The following TPH1 variants were observed in gnomAD, a reference collection of about 807,000 sequenced individuals.
The protein encoded by TPH1 is tryptophan hydroxylase 1.
TPH1 carries 37 observed loss-of-function variants against 49.5 expected under a neutral mutation model. The ratio of observed to expected loss-of-function variants is 0.75; its 90% CI spans 0.58 to 0.98. The LOEUF is 0.98. TPH1 is among the 50% of genes least tolerant of loss of function. The pLI is 0.00. For synonymous variants in TPH1, 160 were observed against 182.1 expected, an observed-to-expected ratio of 0.88 and a Z score of 0.98; for missense variants, 487 against 523.6, an observed-to-expected ratio of 0.93 and a Z score of 0.68.
chr11:18,033,037 G>C (rs975339692), intron 4 of TPH1, among the ~76,000 whole-genome samples: 1 of 152,154 alleles, frequency 6.6e-6, no homozygotes, highest in African/African-American at 2.4e-5. Context: ...TGGATCACCT[G>C]AGGTCAGGAG....
At chr11:18,028,270 G>T (rs189662710) in intron 6 of TPH1, among the ~76,000 whole-genome samples, 180 of 152,194 alleles carry the variant, frequency 1.2e-3, no homozygotes, top group Admixed American at 3.6e-3. Context: ...CTTTTTTCTT[G>T]CTAAAATTAT....
intron 8 of TPH1, among the ~76,000 whole-genome samples, chr11:18,024,600 T>C (rs1441318886): frequency 6.6e-6 from 1 of 152,152 alleles, no homozygotes; most frequent in African/African-American, 2.4e-5. Context: ...ACTCAACAAG[T>C]GGATAGAGTT....
At position 18,022,722 on chromosome 11, in the gene TPH1, A is replaced by ATAT. The variant is rs1854376686; in HGVS notation, c.1160+75_1160+76insATA. 6 of 1,537,226 alleles carry ATAT rather than the reference A, an allele frequency of 3.9e-6. No individual in the cohort carries two copies. In the South Asian group the frequency reaches 6.9e-5, roughly 18 times the overall value. On this transcript the variant is annotated intron_variant, in intron 10 of 10. Coordinates refer to ENST00000682019, the MANE Select transcript of TPH1 (RefSeq NM_004179.3). ...TGGGCTTCAAATTATCTAGCTGCTTACTTCTGTGACTTGTTACCATAATGG... is the reference window on the plus strand; with the variant it reads ...TGGGCTTCAAATTATCTAGCTGCTTATATCTTCTGTGACTTGTTACCATAATGG...
At chr11:18,034,767 A>G (rs1848027728) in intron 3 of TPH1, among the ~76,000 whole-genome samples, 1 of 152,056 alleles carries the variant, frequency 6.6e-6, no homozygotes, top group African/African-American at 2.4e-5. Context: ...CCTCGAGTGA[A>G]CTCCAAGGAT....
At position 18,028,436 on chromosome 11, in the gene TPH1, A is replaced by G. The variant is rs537476742; in HGVS notation, c.667+729T>C. Among the ~76,000 whole-genome samples, 22 of 152,322 alleles carry G rather than the reference A, an allele frequency of 1.4e-4. 1 individual carries two copies. The highest frequency in any genetic ancestry group is 3.4e-3 in the Middle Eastern group (1 of 294). The stretch of plus-strand genomic sequence containing the variant: ...TATTTTCAAATCACTCTTTAACAAG[A>G]TATTCTCTATTCTAGGCCAAAAGCT... On this transcript the variant is annotated intron_variant, in intron 6 of 10. Transcript: ENST00000682019.
At chr11:18,024,069 C>A (rs1854394344) in intron 8 of TPH1, 86 bp from the exon 9 acceptor site, 1 of 1,037,040 alleles carries the variant, frequency 9.6e-7, no homozygotes, top group Non-Finnish European at 1.5e-6. Context: ...ACCCAAAATA[C>A]CCTAGAATAA....
intron 4 of TPH1, among the ~76,000 whole-genome samples, chr11:18,029,859 C>T (rs1022673679): frequency 2.0e-5 from 3 of 152,108 alleles, no homozygotes; most frequent in Admixed American, 2.0e-4. Context: ...AGTAAACCAC[C>T]ATCCCAGTTA....
chr11:18,035,400 CTTT>C (rs1564858745), intron 3 of TPH1, among the ~76,000 whole-genome samples: 622 of 30,708 alleles, frequency 0.02, 3 homozygotes, highest in African/African-American at 0.072. Flanking sequence ...CTTTTTCTTT[CTTT>C]TTTCTTTCTT....
chr11:18,023,830 A>G, intron 9 of TPH1, 58 bp downstream of exon 9: 1 of 1,386,238 alleles, frequency 7.2e-7, no homozygotes. Flanking sequence ...AAACTATTTC[A>G]GGTTTTATCA....
At chr11:18,043,177 G>A (rs1250882550) in intron 1 of TPH1, among the ~76,000 whole-genome samples, 3 of 152,206 alleles carry the variant, frequency 2.0e-5, no homozygotes, top group Non-Finnish European at 2.9e-5. Context: ...AGAACTGGGA[G>A]CAAGGATCAG....
chr11:18,035,148 C>T (rs75897769), intron 3 of TPH1, among the ~76,000 whole-genome samples: 3,773 of 152,294 alleles, frequency 0.025, 139 homozygotes, highest in African/African-American at 0.086. Context: ...CCCTGCTATA[C>T]ATATTGTGTG....
At chr11:18,043,461 C>T (rs1848115486) in intron 1 of TPH1, among the ~76,000 whole-genome samples, 2 of 151,992 alleles carry the variant, frequency 1.3e-5, no homozygotes, top group African/African-American at 4.8e-5. Flanking sequence ...AAAAATTAGC[C>T]TGGCATGATG....
chr11:18,032,914 T>A (rs1032687224), intron 4 of TPH1, among the ~76,000 whole-genome samples: 1 of 152,176 alleles, frequency 6.6e-6, no homozygotes, highest in Non-Finnish European at 1.5e-5. Flanking sequence ...CTAAAAAAGT[T>A]GCCCTTAATT....
intron 4 of TPH1, among the ~76,000 whole-genome samples, chr11:18,032,237 T>A (rs995741578): frequency 6.6e-6 from 1 of 152,158 alleles, no homozygotes; most frequent in African/African-American, 2.4e-5. Flanking sequence ...CTGTACAATT[T>A]TCTCAGGAAA....
intron 1 of TPH1, among the ~76,000 whole-genome samples, chr11:18,044,286 G>A (rs534140107): frequency 2.0e-5 from 3 of 152,092 alleles, no homozygotes; most frequent in South Asian, 4.2e-4. Context: ...GCTGGGTGTG[G>A]TGGCGGGCGC....
Position 18,026,393 on chromosome 11 carries a change from C to CAAAAAAAAAAAAAA in TPH1, c.803+83_803+96dup, listed in dbSNP as rs57335932. On this transcript the variant is annotated intron_variant, in intron 7 of 10. Coordinates refer to ENST00000682019, the MANE Select transcript of TPH1 (RefSeq NM_004179.3). ...GCTAATTTATTTAATCCTCGCACAC[C>CAAAAAAAAAAAAAA]AAAAAAAAAAAAAAAAAAAAAAAAG... is the stretch of plus-strand genomic sequence containing the variant. 2.5e-5 allele frequency: 15 copies of CAAAAAAAAAAAAAA among 588,766 alleles called. 4 individuals are homozygous for CAAAAAAAAAAAAAA. The highest frequency in any genetic ancestry group is 3.5e-5 in the Non-Finnish European group (13 of 374,702). 36.5% of individuals were successfully genotyped at this position (588,766 alleles called of 1,614,324 possible).
Position 18,026,473 on chromosome 11 carries a change from G to C in TPH1, c.803+17C>G. On this transcript the variant is annotated intron_variant, in intron 7 of 10. Coordinates refer to ENST00000682019, the MANE Select transcript of TPH1 (RefSeq NM_004179.3). ...ATAACCATTTGATGAATTCCTGGCTGAAATAGAAGTACTTACGGCTCTGGG... is the reference window on the plus strand; with the variant it reads ...ATAACCATTTGATGAATTCCTGGCTCAAATAGAAGTACTTACGGCTCTGGG... 1 of 1,596,570 alleles carries C rather than the reference G, an allele frequency of 6.3e-7. No individual in the cohort carries two copies. Among genetic ancestry groups the C allele is most frequent in the Non-Finnish European group, 8.6e-7 (1 of 1,168,968 alleles).
chr11:18,040,791 A>G lies in TPH1; in HGVS notation c.-26-3T>C, dbSNP rs372622757. On this transcript the variant is annotated splice_region_variant and splice_polypyrimidine_tract_variant and intron_variant, in intron 1 of 10. Transcript: ENST00000682019. The stretch of plus-strand genomic sequence containing the variant: ...GAATTTGGAGTAATTCTCTAAAACT[A>G]AAGTATGAAAACAAAGACTACGGGC... The G allele has an allele frequency of 2.6e-5, 41 of 1,606,854 alleles. No individual in the cohort carries two copies. The highest frequency in any genetic ancestry group is 3.4e-5 in the Non-Finnish European group (40 of 1,176,798).
intron 1 of TPH1, chr11:18,042,506 C>T (rs1029711058): frequency 5.6e-5 from 19 of 340,148 alleles, no homozygotes; most frequent in Non-Finnish European, 9.8e-5. Context: ...TCTGCAAATC[C>T]ATCTAGGCAA....
Sources: allele counts gnomAD v4.1 joint callset (sites outside exome capture counted in the v4.1 genomes callset), GRCh38; gene constraint gnomAD v4.1.1; transcripts MANE v1.5; gene names NCBI Gene and HGNC (gene_info 2026-07-23, HGNC 2026-07-21).